Variants in PSMD14 observed in about 807,000 individuals in gnomAD.
PSMD14 encodes ubiquitin C-terminal hydrolase PSMD14.
In PSMD14, 7 loss-of-function variants were observed where a neutral mutation model predicts 41.2. The observed-to-expected ratio is 0.17, with a 90% CI of 0.10 to 0.32. The LOEUF (loss-of-function observed/expected upper bound fraction) is 0.32, where lower values mean the gene tolerates loss of function less well. PSMD14 is among the 10% of genes least tolerant of loss of function. The pLI is 1.00. For missense variants in PSMD14, 139 were observed against 375.6 expected (o/e 0.37, Z 5.21); for synonymous variants, 114 against 122.3 (o/e 0.93, Z 0.45).
chr2:161,393,639 C>T (rs1014529271), intron 9 of PSMD14, among the ~76,000 whole-genome samples: 5 of 152,228 alleles, frequency 3.3e-5, no homozygotes, highest in Middle Eastern at 3.4e-3. Flanking sequence ...TCTTATGGCT[C>T]AGGGATCTCA....
intron 2 of PSMD14, among the ~76,000 whole-genome samples, chr2:161,317,381 A>C (rs977337425): frequency 2.6e-5 from 4 of 152,186 alleles, no homozygotes; most frequent in African/African-American, 9.6e-5. Context: ...AGATACGAAA[A>C]ATATATGATT....
intron 7 of PSMD14, among the ~76,000 whole-genome samples, chr2:161,377,793 A>T (rs1416347471): frequency 6.6e-6 from 1 of 151,746 alleles, no homozygotes; most frequent in Non-Finnish European, 1.5e-5. Context: ...TTATTTATTG[A>T]CTCTCACTTC....
At chr2:161,352,100 A>C (rs144261865) in intron 3 of PSMD14, among the ~76,000 whole-genome samples, 5 of 152,162 alleles carry the variant, frequency 3.3e-5, no homozygotes, top group African/African-American at 1.2e-4. Flanking sequence ...TTGGCTCAAG[A>C]CCTCTGAAAT....
At chr2:161,400,284 AT>A (rs1169324432) in intron 10 of PSMD14, among the ~76,000 whole-genome samples, 4 of 152,090 alleles carry the variant, frequency 2.6e-5, no homozygotes, top group African/African-American at 9.7e-5. Context: ...CTCATGATTC[AT>A]TGTGATTGCG....
chr2:161,389,889 GTTTTTTTTTTT>G (rs1162637393), intron 8 of PSMD14, among the ~76,000 whole-genome samples: 3 of 20,042 alleles, frequency 1.5e-4, no homozygotes, highest in South Asian at 2.6e-3. Flanking sequence ...CTTTTTTGTT[GTTTTTTTTTTT>G]TTTTTTTTTT....
intron 11 of PSMD14, 65 bp from the exon 12 acceptor site, chr2:161,411,237 A>C: frequency 1.8e-6 from 2 of 1,106,056 alleles, no homozygotes; most frequent in Non-Finnish European, 2.5e-6. Context: ...ACTGAAAAAA[A>C]TTTAAGTAAT....
At chr2:161,367,293 T>G (rs1271490191) in intron 3 of PSMD14, among the ~76,000 whole-genome samples, 185 bp from the exon 4 acceptor site, 1 of 152,236 alleles carries the variant, frequency 6.6e-6, no homozygotes, top group East Asian at 1.9e-4. Context: ...TATTAAGTTT[T>G]ACCTGTTTTC....
intron 7 of PSMD14, among the ~76,000 whole-genome samples, chr2:161,371,577 T>C (rs1161438380): frequency 6.6e-6 from 1 of 152,150 alleles, no homozygotes; most frequent in Non-Finnish European, 1.5e-5. Context: ...TTGAATTTCA[T>C]AAAATTAGGA....
At chr2:161,400,683 A>G (rs1237529696) in intron 10 of PSMD14, among the ~76,000 whole-genome samples, 1 of 152,102 alleles carries the variant, frequency 6.6e-6, no homozygotes, top group African/African-American at 2.4e-5. Flanking sequence ...CCCCCCAAGT[A>G]GCTGGGACTA....
intron 10 of PSMD14, among the ~76,000 whole-genome samples, chr2:161,397,237 A>AGT (rs1335532981): frequency 6.6e-6 from 1 of 152,142 alleles, no homozygotes; most frequent in Non-Finnish European, 1.5e-5. Context: ...TGAAATGGAG[A>AGT]GTGTGTTTAA....
chr2:161,375,962 CA>C (rs1054026874), intron 7 of PSMD14, among the ~76,000 whole-genome samples: 1 of 151,450 alleles, frequency 6.6e-6, no homozygotes, highest in African/African-American at 2.4e-5. Flanking sequence ...TCTTTTCTTT[CA>C]GGGGTGGGTA....
chr2:161,370,312 T>C, intron 6 of PSMD14, 135 bp downstream of exon 6: 1 of 679,406 alleles, frequency 1.5e-6, no homozygotes, highest in South Asian at 2.1e-5. Flanking sequence ...TCTGTAAATA[T>C]CAGTGCCATG....
At chr2:161,389,782 T>A (rs2105265745) in intron 8 of PSMD14, among the ~76,000 whole-genome samples, 1 of 151,798 alleles carries the variant, frequency 6.6e-6, no homozygotes, top group African/African-American at 2.4e-5. Context: ...AGAAAGAACA[T>A]AGGCTATGGA....
chr2:161,309,368 A>C (rs1407240774), intron 1 of PSMD14, among the ~76,000 whole-genome samples: 1 of 152,214 alleles, frequency 6.6e-6, no homozygotes, highest in Non-Finnish European at 1.5e-5. Flanking sequence ...ATGGTAATAT[A>C]AGTTGATAAA....
At chr2:161,331,706 G>A (rs1682793224) in intron 3 of PSMD14, among the ~76,000 whole-genome samples, 1 of 152,082 alleles carries the variant, frequency 6.6e-6, no homozygotes, top group African/African-American at 2.4e-5. Context: ...ACAAATGTAT[G>A]GATCTATAAA....
In PSMD14 at chr2:161,357,970, A is replaced by AT. The variant is rs575494895; in HGVS notation, c.49-9507dup. On this transcript the variant is annotated intron_variant, in intron 3 of 11. Coordinates refer to ENST00000409682, the MANE Select transcript of PSMD14 (RefSeq NM_005805.6). ...AACAAAGTTAACTTGAATAGTTCAC[A>AT]TACTGTATAAGCTGATAATTTTAGA... is the stretch of plus-strand genomic sequence containing the variant. Among the ~76,000 whole-genome samples the AT allele has an allele frequency of 1.1e-4, 16 of 152,034 alleles. No individual in the cohort carries two copies. The South Asian group carries it at 3.1e-3, about 30-fold the overall frequency.
chr2:161,353,556 C>T (rs1023314137), intron 3 of PSMD14, among the ~76,000 whole-genome samples: 3 of 152,150 alleles, frequency 2.0e-5, no homozygotes, highest in Non-Finnish European at 4.4e-5. Context: ...AATGCCTTTT[C>T]CCTCCCTCCC....
chr2:161,323,505 G>A (rs1171596318), intron 3 of PSMD14, among the ~76,000 whole-genome samples: 2 of 151,918 alleles, frequency 1.3e-5, no homozygotes, highest in African/African-American at 4.8e-5. Flanking sequence ...TCTACTAAAA[G>A]TACAAAAATC....
At chr2:161,354,062 A>G (rs565472597) in intron 3 of PSMD14, among the ~76,000 whole-genome samples, 1 of 152,258 alleles carries the variant, frequency 6.6e-6, no homozygotes, top group Non-Finnish European at 1.5e-5. Context: ...TAAGAACTCT[A>G]AAGCCAGTTG....
Sources: gnomAD v4.1 joint callset for allele counts (sites outside exome capture counted in the v4.1 genomes callset) on GRCh38, gnomAD v4.1.1 for gene constraint, MANE v1.5 for transcripts, NCBI Gene and HGNC (gene_info 2026-07-23, HGNC 2026-07-21) for gene names.